The following ENTREP2 variants were observed in gnomAD, a reference collection of about 807,000 sequenced individuals.
ENTREP2 encodes endosomal transmembrane epsin interactor 2.
chr15:29,642,189 G>A, the ENTREP2 span, among the ~76,000 whole-genome samples: 7,037 of 152,000 alleles, frequency 0.046, 183 homozygotes, highest in South Asian at 0.065. Context: ...AAACATTTTG[G>A]AAAAGAAGAA....
the ENTREP2 span, among the ~76,000 whole-genome samples, chr15:29,284,764 A>C: frequency 6.6e-6 from 1 of 152,122 alleles, no homozygotes; most frequent in South Asian, 2.1e-4. Context: ...CTCTCTGTGA[A>C]TACTCCAGGA....
the ENTREP2 span, among the ~76,000 whole-genome samples, chr15:29,300,883 C>T: frequency 6.6e-6 from 1 of 152,242 alleles, no homozygotes; most frequent in East Asian, 1.9e-4. Flanking sequence ...AGGCATGAGC[C>T]ACTGTGCCCG....
At chr15:29,204,287 A>T in the ENTREP2 span, among the ~76,000 whole-genome samples, 1 of 152,202 alleles carries the variant, frequency 6.6e-6, no homozygotes, top group Admixed American at 6.5e-5. Context: ...CCTGTCTGGG[A>T]GTAGAAAGGG....
chr15:29,169,289 A>C, the ENTREP2 span, among the ~76,000 whole-genome samples: 2 of 152,224 alleles, frequency 1.3e-5, no homozygotes, highest in African/African-American at 4.8e-5. Context: ...GGGAATGAAG[A>C]AAATAAACAA....
At chr15:29,250,855 A>AAG in the ENTREP2 span, among the ~76,000 whole-genome samples, 9 of 152,230 alleles carry the variant, frequency 5.9e-5, no homozygotes, top group Middle Eastern at 3.2e-3. Flanking sequence ...GGTCTACACC[A>AAG]TACCGAGAAT....
At chr15:29,290,557 G>C in the ENTREP2 span, among the ~76,000 whole-genome samples, 1 of 152,232 alleles carries the variant, frequency 6.6e-6, no homozygotes, top group Non-Finnish European at 1.5e-5. Context: ...AGCTTTGGGA[G>C]AATGAGAATT....
the ENTREP2 span, among the ~76,000 whole-genome samples, chr15:29,615,724 C>G: frequency 6.6e-6 from 1 of 152,234 alleles, no homozygotes; most frequent in Non-Finnish European, 1.5e-5. Flanking sequence ...TTTTGTCCTA[C>G]CCTACACTTC....
At chr15:29,158,665 A>C in the ENTREP2 span, among the ~76,000 whole-genome samples, 1 of 152,102 alleles carries the variant, frequency 6.6e-6, no homozygotes, top group Non-Finnish European at 1.5e-5. Context: ...TCCTTTACAA[A>C]TACTGAAATC....
chr15:29,381,913 C>T, the ENTREP2 span: 1 of 1,314,148 alleles, frequency 7.6e-7, no homozygotes. Flanking sequence ...CCGTTTCAAC[C>T]CGGAGAAGGA....
chr15:29,567,590 A>G, the ENTREP2 span, among the ~76,000 whole-genome samples: 107 of 152,272 alleles, frequency 7.0e-4, 1 homozygote, highest in South Asian at 3.7e-3. Flanking sequence ...GGCTTGGAAC[A>G]GAGTCAGGCT....
At chr15:29,579,040 C>T in the ENTREP2 span, among the ~76,000 whole-genome samples, 4 of 152,106 alleles carry the variant, frequency 2.6e-5, no homozygotes, top group Non-Finnish European at 4.4e-5. Flanking sequence ...CAAACTTATA[C>T]ATGAAAGAGG....
chr15:29,363,084 T>A, the ENTREP2 span, among the ~76,000 whole-genome samples: 1 of 152,124 alleles, frequency 6.6e-6, no homozygotes, highest in Non-Finnish European at 1.5e-5. Context: ...ACAAATATGT[T>A]TTCACCCTAC....
chr15:29,204,855 T>C, the ENTREP2 span, among the ~76,000 whole-genome samples: 1 of 152,202 alleles, frequency 6.6e-6, no homozygotes, highest in Non-Finnish European at 1.5e-5. Flanking sequence ...TCTTCACCAT[T>C]TGTCGGCATA....
chr15:29,317,918 G>A, the ENTREP2 span, among the ~76,000 whole-genome samples: 1 of 152,196 alleles, frequency 6.6e-6, no homozygotes, highest in African/African-American at 2.4e-5. Flanking sequence ...TAGCTCTCAA[G>A]GTGAGATGAG....
the ENTREP2 span, among the ~76,000 whole-genome samples, chr15:29,257,590 C>G: frequency 1.0e-3 from 157 of 152,310 alleles, no homozygotes; most frequent in Non-Finnish European, 1.6e-3. Flanking sequence ...CATTCCTCAT[C>G]ATACGACTGG....
the ENTREP2 span, among the ~76,000 whole-genome samples, chr15:29,382,979 TC>T: frequency 6.6e-6 from 1 of 152,092 alleles, no homozygotes; most frequent in African/African-American, 2.4e-5. Flanking sequence ...CCATCTGGGC[TC>T]CTGTGGCTTC....
the ENTREP2 span, among the ~76,000 whole-genome samples, chr15:29,248,703 T>C: frequency 6.6e-6 from 1 of 152,156 alleles, no homozygotes; most frequent in Admixed American, 6.6e-5. Flanking sequence ...AATGAAATCA[T>C]CTTATATCTT....
chr15:29,604,830 C>T, the ENTREP2 span, among the ~76,000 whole-genome samples: 2 of 152,252 alleles, frequency 1.3e-5, no homozygotes, highest in South Asian at 2.1e-4. Flanking sequence ...AGTGCTGTCC[C>T]GTGAAGATGA....
At chr15:29,199,449 T>A in the ENTREP2 span, among the ~76,000 whole-genome samples, 1 of 152,154 alleles carries the variant, frequency 6.6e-6, no homozygotes. Context: ...TTGTTCAGAC[T>A]GAAGCAGGAA....
Sources: gnomAD v4.1 joint callset for allele counts (sites outside exome capture counted in the v4.1 genomes callset) on GRCh38, gnomAD v4.1.1 for gene constraint, MANE v1.5 for transcripts, NCBI Gene and HGNC (gene_info 2026-07-23, HGNC 2026-07-21) for gene names.